Variants in TMEM135 observed in about 807,000 individuals in gnomAD.
TMEM135 encodes transmembrane protein 135, also known as peroxisomal membrane protein 52.
A neutral mutation model predicts 60.3 loss-of-function variants in TMEM135; 30 were observed. The ratio of observed to expected loss-of-function variants is 0.50; its 90% CI spans 0.37 to 0.68. The LOEUF is 0.68. Ranked by LOEUF, TMEM135 falls within the 30% of genes least tolerant of loss-of-function variation. The pLI is 0.00. For synonymous variants in TMEM135, 190 were observed against 186.7 expected, an observed-to-expected ratio of 1.02 and a Z score of -0.14; for missense variants, 468 against 548.8, an observed-to-expected ratio of 0.85 and a Z score of 1.47.
At chr11:87,268,099 CTT>C (rs1941786120) in intron 6 of TMEM135, among the ~76,000 whole-genome samples, 1 of 151,782 alleles carries the variant, frequency 6.6e-6, no homozygotes. Context: ...AGTACCTACT[CTT>C]TTTTGCCCGG....
chr11:87,181,323 G>T (rs1306524691), intron 5 of TMEM135, among the ~76,000 whole-genome samples: 2 of 151,684 alleles, frequency 1.3e-5, no homozygotes, highest in Non-Finnish European at 2.9e-5. Context: ...ACAGTGTAGA[G>T]ATCTATGGGA....
chr11:87,283,927 A>G (rs972023077), intron 6 of TMEM135, among the ~76,000 whole-genome samples: 1 of 152,068 alleles, frequency 6.6e-6, no homozygotes, highest in South Asian at 2.1e-4. Context: ...ATTTGTTTTC[A>G]TATTTTTCAC....
chr11:87,072,606 C>T (rs1403392877), intron 3 of TMEM135, among the ~76,000 whole-genome samples: 1 of 152,102 alleles, frequency 6.6e-6, no homozygotes, highest in Non-Finnish European at 1.5e-5. Context: ...TGGTCTCAAA[C>T]TCCTGACCTT....
chr11:87,117,416 A>C (rs1382791170), intron 4 of TMEM135, among the ~76,000 whole-genome samples: 1 of 152,186 alleles, frequency 6.6e-6, no homozygotes, highest in East Asian at 1.9e-4. Flanking sequence ...TTTCTTTTAA[A>C]ATTGGAGTCA....
Position 87,324,880 on chromosome 11 carries a change from T to G in TMEM135, c.*3547T>G, listed in dbSNP as rs1334494160. The G allele has an allele frequency of 8.8e-6, 4 of 453,888 alleles. No individual in the cohort carries two copies. The highest frequency in any genetic ancestry group is 7.1e-5 in the Admixed American group (3 of 42,538). The allele number at this position is 453,888 out of a possible 1,614,324, so 28.1% of individuals were successfully genotyped here. On this transcript the variant is annotated 3_prime_UTR_variant, in exon 15 of 15. Coordinates refer to ENST00000305494, the MANE Select transcript of TMEM135 (RefSeq NM_022918.4). ...CCTTCTAGTAATCATTTTCACATAGTAGAATACTTCACTCAGCTGAAAATG... is the reference window on the plus strand; with the variant it reads ...CCTTCTAGTAATCATTTTCACATAGGAGAATACTTCACTCAGCTGAAAATG...
At chr11:87,270,689 C>G (rs1032595062) in intron 6 of TMEM135, among the ~76,000 whole-genome samples, 2 of 152,086 alleles carry the variant, frequency 1.3e-5, no homozygotes, top group Non-Finnish European at 2.9e-5. Context: ...CTCCTGTACT[C>G]CAGAGCACAC....
At chr11:87,140,129 G>T (rs1938222926) in intron 4 of TMEM135, among the ~76,000 whole-genome samples, 1 of 151,984 alleles carries the variant, frequency 6.6e-6, no homozygotes, top group African/African-American at 2.4e-5. Flanking sequence ...GTGCAATGGT[G>T]TGATCTCAGC....
intron 4 of TMEM135, among the ~76,000 whole-genome samples, chr11:87,101,925 A>AACC (rs1857466821): frequency 1.3e-5 from 2 of 152,144 alleles, no homozygotes; most frequent in Non-Finnish European, 2.9e-5. Flanking sequence ...TTAAGCTGAG[A>AACC]TCACGCCATT....
intron 1 of TMEM135, among the ~76,000 whole-genome samples, chr11:87,042,760 C>A (rs543020807): frequency 6.6e-6 from 1 of 152,224 alleles, no homozygotes; most frequent in Admixed American, 6.5e-5. Flanking sequence ...TATTTACTTT[C>A]TTGTTCTATA....
chr11:87,266,713 T>C (rs1250724715), intron 6 of TMEM135, among the ~76,000 whole-genome samples: 2 of 152,170 alleles, frequency 1.3e-5, no homozygotes, highest in African/African-American at 2.4e-5. Context: ...TCTGTTAGCT[T>C]CTATGGTTCT....
chr11:87,291,556 G>T (rs6592350), intron 6 of TMEM135, among the ~76,000 whole-genome samples: 74,902 of 112,362 alleles, frequency 0.67, 24,791 homozygotes, highest in Non-Finnish European at 0.69. Flanking sequence ...TTTTGAGACA[G>T]AGTCTCACTC....
At chr11:87,273,088 T>C (rs1941900079) in intron 6 of TMEM135, among the ~76,000 whole-genome samples, 1 of 152,128 alleles carries the variant, frequency 6.6e-6, no homozygotes, top group Non-Finnish European at 1.5e-5. Context: ...TCTCAGTGAT[T>C]TTATTTATTC....
At chr11:87,129,089 T>G (rs1937823280) in intron 4 of TMEM135, among the ~76,000 whole-genome samples, 1 of 151,868 alleles carries the variant, frequency 6.6e-6, no homozygotes, top group Non-Finnish European at 1.5e-5. Flanking sequence ...TATCTGATTT[T>G]AAAATTTAAA....
At chr11:87,162,570 A>G (rs572524752) in intron 5 of TMEM135, among the ~76,000 whole-genome samples, 5 of 152,268 alleles carry the variant, frequency 3.3e-5, no homozygotes, top group Non-Finnish European at 7.3e-5. Context: ...TTATGGCTGC[A>G]TAGTATTCCA....
At chr11:87,071,422 A>G in intron 2 of TMEM135, 101 bp from the exon 3 acceptor site, 2 of 838,774 alleles carry the variant, frequency 2.4e-6, no homozygotes, top group Non-Finnish European at 2.0e-6. Context: ...GTAGTGTGGT[A>G]CATTTAAATA....
chr11:87,177,603 C>CT (rs1939410996), intron 5 of TMEM135, among the ~76,000 whole-genome samples: 1 of 152,098 alleles, frequency 6.6e-6, no homozygotes, highest in African/African-American at 2.4e-5. Flanking sequence ...TTCTATCACT[C>CT]TAAAAAATAT....
rs1360708292 is a variant in TMEM135 at position 87,321,171 on chromosome 11, T to C, written c.1245-30T>C. The C allele has an allele frequency of 1.9e-6, 3 of 1,583,010 alleles. 1 individual carries two copies. Among genetic ancestry groups the C allele is most frequent in the South Asian group, 2.2e-5 (2 of 90,192 alleles). ...TATTTTATTTTATAAACTATATTAA[T>C]ACTTGTTTACTGTATTCTTTGTTTT... On this transcript the variant is annotated intron_variant, in intron 14 of 14. Coordinates refer to ENST00000305494, the MANE Select transcript of TMEM135 (RefSeq NM_022918.4).
chr11:87,273,876 A>G (rs1331862660), intron 6 of TMEM135, among the ~76,000 whole-genome samples: 1 of 151,816 alleles, frequency 6.6e-6, no homozygotes, highest in Non-Finnish European at 1.5e-5. Context: ...CTTATTGTTT[A>G]TTTGCATTTT....
chr11:87,255,200 C>T (rs535407057), intron 6 of TMEM135, among the ~76,000 whole-genome samples: 1 of 152,220 alleles, frequency 6.6e-6, no homozygotes, highest in South Asian at 2.1e-4. Flanking sequence ...GAGATTGGCA[C>T]TTCAGAGCAG....
Sources: gnomAD v4.1 joint callset for allele counts (sites outside exome capture counted in the v4.1 genomes callset) on GRCh38, gnomAD v4.1.1 for gene constraint, MANE v1.5 for transcripts, NCBI Gene and HGNC (gene_info 2026-07-23, HGNC 2026-07-21) for gene names.